GAREM2: variants seen among roughly 807,000 people sequenced by gnomAD.
GAREM2 encodes GRB2-associated and regulator of MAPK protein 2.
In GAREM2, 30 loss-of-function variants were observed where a neutral mutation model predicts 55.6. That is an observed-to-expected ratio of 0.54 (90% confidence interval 0.40 to 0.73). The LOEUF is 0.73. GAREM2 is among the 30% of genes least tolerant of loss of function. The probability of loss-of-function intolerance (pLI) is 0.00; values close to 1 mark genes in which losing one functional copy is unlikely to be tolerated. For missense variants in GAREM2, 1,075 were observed against 1,257.7 expected (o/e 0.85, Z 2.20); for synonymous variants, 550 against 569.1 (o/e 0.97, Z 0.48).
downstream of GAREM2, chr2:26,193,890 A>G: frequency 6.3e-6 from 5 of 792,514 alleles, no homozygotes; most frequent in Non-Finnish European, 1.1e-5. Context: ...GTGTCACCTG[A>G]CCAGGCCCAG....
the GAREM2 span, chr2:26,195,087 C>T: frequency 6.2e-7 from 1 of 1,612,130 alleles, no homozygotes; most frequent in Non-Finnish European, 8.5e-7. Flanking sequence ...TATACAGCCC[C>T]TTACCTTAAC....
the GAREM2 span, chr2:26,204,191 A>AGGCAAG: frequency 6.2e-7 from 1 of 1,614,046 alleles, no homozygotes; most frequent in Non-Finnish European, 8.5e-7. Context: ...AAGAATAGCC[A>AGGCAAG]GATGCCTGCA....
downstream of GAREM2, chr2:26,193,784 G>A (rs369641464): frequency 5.6e-5 from 90 of 1,611,366 alleles, 1 homozygote; most frequent in East Asian, 1.6e-3. Context: ...TGAACAGGAA[G>A]CGATGCAGGG....
downstream of GAREM2, chr2:26,194,602 G>A: frequency 6.2e-7 from 1 of 1,612,522 alleles, no homozygotes; most frequent in Admixed American, 1.7e-5. Flanking sequence ...GACATCATGG[G>A]CGCAAGACAC....
Position 26,184,437 on chromosome 2 carries a change from G to C in GAREM2, c.589G>C (p.Ala197Pro), listed in dbSNP as rs1056131973. 2.7e-6 allele frequency: 4 copies of C among 1,478,470 alleles called. No homozygotes were observed. Among genetic ancestry groups the C allele is most frequent in the African/African-American group, 1.5e-5 (1 of 67,868 alleles). The allele number at this position is 1,478,470 out of a possible 1,614,324, so 91.6% of individuals were successfully genotyped here. The change falls in exon 4 of 6, where the codon GCC becomes CCC. Residue 197 changes from alanine (A) to proline (P), a missense_variant. Physicochemically the swap from Ala to Pro is conservative, Grantham distance 27. Transcript: ENST00000401533. ...VGGGGPASAG[A>P]AGGTGGGGAR... The stretch of plus-strand genomic sequence containing the variant: ...CGGCGGCGGCCCAGCGAGCGCGGGG[G>C]CCGCGGGAGGCACTGGCGGCGGGGG...
intron 2 of GAREM2, among the ~76,000 whole-genome samples, chr2:26,178,656 C>A (rs897738877): frequency 6.6e-6 from 1 of 152,120 alleles, no homozygotes; most frequent in Non-Finnish European, 1.5e-5. Flanking sequence ...CTGAAAAAAA[C>A]GTGACTTTAG....
chr2:26,185,310 C>G (rs1252002559), intron 4 of GAREM2, 34 bp downstream of exon 4: 1 of 1,476,200 alleles, frequency 6.8e-7, no homozygotes, highest in African/African-American at 1.5e-5. Flanking sequence ...AGTCCCGGGT[C>G]CAGCCAGGGC....
At chr2:26,183,214 A>C (rs1574591031) in intron 3 of GAREM2, 117 bp downstream of exon 3, 1 of 1,150,952 alleles carries the variant, frequency 8.7e-7, no homozygotes. Flanking sequence ...GCTCCTGGGG[A>C]CCCCTTAGGG....
At chr2:26,196,613 C>T in the GAREM2 span, among the ~76,000 whole-genome samples, 122,507 of 151,548 alleles carry the variant, frequency 0.81, 49,674 homozygotes, top group African/African-American at 0.89. Flanking sequence ...CCCGGGCAAA[C>T]CAAGATGGTT....
the GAREM2 span, among the ~76,000 whole-genome samples, chr2:26,195,884 C>A: frequency 1.3e-5 from 2 of 152,192 alleles, no homozygotes; most frequent in Admixed American, 1.3e-4. Flanking sequence ...ATAATCCCTC[C>A]TGGTGATTCT....
chr2:26,175,070 C>G (rs1276153106), intron 1 of GAREM2, among the ~76,000 whole-genome samples: 1 of 151,112 alleles, frequency 6.6e-6, no homozygotes, highest in African/African-American at 2.5e-5. Context: ...CCGCCCGCCA[C>G]CCTGCCACAC....
At chr2:26,183,210 G>A in intron 3 of GAREM2, 113 bp downstream of exon 3, 1 of 1,223,778 alleles carries the variant, frequency 8.2e-7, no homozygotes, top group South Asian at 1.4e-5. Flanking sequence ...AGCGGCTCCT[G>A]GGGACCCCTT....
At chr2:26,203,103 C>G in the GAREM2 span, among the ~76,000 whole-genome samples, 4 of 152,222 alleles carry the variant, frequency 2.6e-5, no homozygotes, top group Non-Finnish European at 5.9e-5. Flanking sequence ...CTGCTGCTAT[C>G]TAGCACACAT....
chr2:26,186,773 C>T (rs1401263952), intron 5 of GAREM2, among the ~76,000 whole-genome samples: 1 of 152,142 alleles, frequency 6.6e-6, no homozygotes, highest in Non-Finnish European at 1.5e-5. Context: ...GTCAGGAGTT[C>T]AAGACCAGCC....
intron 3 of GAREM2, 123 bp downstream of exon 3, chr2:26,183,220 T>G: frequency 3.8e-6 from 4 of 1,046,944 alleles, no homozygotes; most frequent in Non-Finnish European, 5.5e-6. Context: ...GGGGACCCCT[T>G]AGGGGTCTTT....
At position 26,188,222 on chromosome 2, in the gene GAREM2, A is replaced by G. The variant is rs553758646; in HGVS notation, c.2590A>G (p.Met864Val). 7 of 1,507,326 alleles carry G rather than the reference A, an allele frequency of 4.6e-6. No individual in the cohort carries two copies. The African/African-American group carries it at 6.9e-5, about 15-fold the overall frequency. 93.4% of individuals were successfully genotyped at this position (1,507,326 alleles called of 1,614,324 possible). Reference sequence around the variant, plus strand: ...CACCAAGCTGCAGGTCAAGAAGATCATGCAGTTCATCAAAGGCTGGAGGCC... The same window carrying G: ...CACCAAGCTGCAGGTCAAGAAGATCGTGCAGTTCATCAAAGGCTGGAGGCC... Reference protein sequence around the residue: ...HLTKLQVKKIMQFIKGWRPKI With the variant: ...HLTKLQVKKIVQFIKGWRPKI The change falls in exon 6 of 6, where the codon ATG becomes GTG. Residue 864 changes from methionine (M) to valine (V), a missense_variant. This residue lies in a region of GAREM2 where 142 missense variants were observed against 172.3 expected (regional missense o/e 0.82). Coordinates refer to ENST00000401533, the MANE Select transcript of GAREM2 (RefSeq NM_001168241.2).
chr2:26,191,225 T>G (rs1223908976), downstream of GAREM2: 1 of 1,609,924 alleles, frequency 6.2e-7, no homozygotes, highest in Admixed American at 1.7e-5. Flanking sequence ...GTTAGTGCAC[T>G]GACTGAGCGA....
the GAREM2 span, among the ~76,000 whole-genome samples, chr2:26,203,722 A>G: frequency 2.6e-5 from 4 of 152,220 alleles, no homozygotes; most frequent in Admixed American, 1.3e-4. Context: ...CCTGCAAACT[A>G]TATCAAAATC....
the GAREM2 span, chr2:26,195,016 T>C: frequency 8.2e-7 from 1 of 1,217,810 alleles, no homozygotes; most frequent in Non-Finnish European, 1.2e-6. Flanking sequence ...AGAATATTTA[T>C]AAACAAGCCT....
Sources: allele counts gnomAD v4.1 joint callset (sites outside exome capture counted in the v4.1 genomes callset), GRCh38; gene constraint gnomAD v4.1.1; regional missense constraint gnomAD v4.1.1; transcripts MANE v1.5; gene names NCBI Gene and HGNC (gene_info 2026-07-23, HGNC 2026-07-21).